Variants in RRP15 observed in about 807,000 individuals in gnomAD.
RRP15 encodes RRP15-like protein.
Under a neutral mutation model 27.1 loss-of-function variants are expected in RRP15, and 18 were observed. The observed-to-expected ratio is 0.66, with a 90% CI of 0.46 to 0.98. RRP15 has a LOEUF of 0.98. Ranked by LOEUF, RRP15 falls within the 50% of genes least tolerant of loss-of-function variation. The probability of loss-of-function intolerance (pLI) is 0.00; values close to 1 mark genes in which losing one functional copy is unlikely to be tolerated. For missense variants in RRP15, 359 were observed against 337.8 expected (o/e 1.06, Z -0.49); for synonymous variants, 107 against 109.4 (o/e 0.98, Z 0.14).
chr1:218,293,081 T>C (rs1655670782), intron 1 of RRP15, among the ~76,000 whole-genome samples: 1 of 151,682 alleles, frequency 6.6e-6, no homozygotes, highest in Non-Finnish European at 1.5e-5. Flanking sequence ...TGGTGTGCAG[T>C]GTGGCATGAT....
rs1656388694 is a variant in RRP15 at position 218,332,628 on chromosome 1, T to G, written c.*1537T>G. On this transcript the variant is annotated 3_prime_UTR_variant, in exon 5 of 5. Transcript: ENST00000366932. ...ACAGTATTATATGACTAAAGCTGAA[T>G]CAGTCTGTGGCCTGGTATTTGTTAT... 1 of 152,176 alleles carries G rather than the reference T, an allele frequency of 6.6e-6. No individual in the cohort carries two copies. The highest frequency in any genetic ancestry group is 6.5e-5 in the Admixed American group (1 of 15,278). 9.4% of individuals were successfully genotyped at this position (152,176 alleles called of 1,614,324 possible).
At chr1:218,296,614 A>C (rs1398055544) in intron 1 of RRP15, among the ~76,000 whole-genome samples, 1 of 151,808 alleles carries the variant, frequency 6.6e-6, no homozygotes, top group Non-Finnish European at 1.5e-5. Context: ...ACTATACTCC[A>C]GCCTGGGCGC....
chr1:218,325,196 A>G (rs565896985), intron 4 of RRP15, among the ~76,000 whole-genome samples: 2 of 152,350 alleles, frequency 1.3e-5, no homozygotes, highest in Admixed American at 1.3e-4. Context: ...CGCTTTCAGC[A>G]TGCCGTCCCA....
At chr1:218,289,258 C>T (rs1655596720) in intron 1 of RRP15, among the ~76,000 whole-genome samples, 1 of 152,108 alleles carries the variant, frequency 6.6e-6, no homozygotes, top group Admixed American at 6.6e-5. Context: ...TTGAATTATT[C>T]TAGTAACCCT....
At chr1:218,320,664 G>T (rs907759958) in intron 4 of RRP15, among the ~76,000 whole-genome samples, 2 of 151,566 alleles carry the variant, frequency 1.3e-5, no homozygotes, top group Non-Finnish European at 2.9e-5. Context: ...TGCCATAAAC[G>T]TTTATTATAA....
intron 4 of RRP15, among the ~76,000 whole-genome samples, chr1:218,328,411 T>C (rs1036141585): frequency 1.1e-4 from 16 of 152,118 alleles, no homozygotes; most frequent in Admixed American, 3.9e-4. Flanking sequence ...GCCTGTAATC[T>C]CAGCACTTTG....
At chr1:218,302,630 T>A in intron 2 of RRP15, 71 bp downstream of exon 2, 1 of 1,540,462 alleles carries the variant, frequency 6.5e-7, no homozygotes, top group Non-Finnish European at 8.7e-7. Flanking sequence ...CCGAACTGTT[T>A]CTTGCAGTGT....
chr1:218,335,595 A>G lies in RRP15; in HGVS notation c.*4504A>G, dbSNP rs1168264961. ...GTGGCTTGTGATACAGAGGAACTAAATTTTTAATTTTACTTAATTACTTTA... is the reference window on the plus strand; with the variant it reads ...GTGGCTTGTGATACAGAGGAACTAAGTTTTTAATTTTACTTAATTACTTTA... On this transcript the variant is annotated 3_prime_UTR_variant, in exon 5 of 5. Coordinates refer to ENST00000366932, the MANE Select transcript of RRP15 (RefSeq NM_016052.4). 1 of 152,190 alleles carries G rather than the reference A, an allele frequency of 6.6e-6. No homozygotes were observed. Among genetic ancestry groups the G allele is most frequent in the Non-Finnish European group, 1.5e-5 (1 of 68,020 alleles). The allele number at this position is 152,190 out of a possible 1,614,324, so 9.4% of individuals were successfully genotyped here.
In RRP15 at chr1:218,285,547, C is replaced by T. The variant is rs1257463223; in HGVS notation, c.139+92C>T. 4.5e-6 allele frequency: 7 copies of T among 1,553,014 alleles called. No homozygotes were observed. The East Asian group carries it at 1.1e-4, about 25-fold the overall frequency. On this transcript the variant is annotated intron_variant, in intron 1 of 4. Transcript: ENST00000366932. ...GCTTGCGACTTCATTTGCTGCTAGC[C>T]ACCTGGGTTTTATCTTGGCACCACT... is the stretch of plus-strand genomic sequence containing the variant.
chr1:218,289,732 G>T (rs1015721691), intron 1 of RRP15, among the ~76,000 whole-genome samples: 1 of 152,122 alleles, frequency 6.6e-6, no homozygotes, highest in Non-Finnish European at 1.5e-5. Flanking sequence ...GCCCAGGCTG[G>T]AGTGCAATGG....
At chr1:218,315,055 T>A (rs1215835826) in intron 4 of RRP15, among the ~76,000 whole-genome samples, 1 of 151,420 alleles carries the variant, frequency 6.6e-6, no homozygotes, top group Non-Finnish European at 1.5e-5. Context: ...TAATTTTTAA[T>A]AGAAGTCCCT....
chr1:218,326,459 G>T (rs558469526), intron 4 of RRP15, among the ~76,000 whole-genome samples: 1 of 150,286 alleles, frequency 6.7e-6, no homozygotes, highest in Non-Finnish European at 1.5e-5. Context: ...TTTAAATTTT[G>T]TGTTTGCATT....
Position 218,309,936 on chromosome 1 carries a change from G to A in RRP15, c.705+2304G>A, listed in dbSNP as rs1156612553. 2.0e-5 allele frequency among the ~76,000 whole-genome samples: 3 copies of A among 151,982 alleles called. No homozygotes were observed. In the East Asian group the frequency reaches 5.8e-4, roughly 29 times the overall value. ...TGTGTGAAGGGAATTTCAGAGTAAC[G>A]GTGTACTATTTATTTAGAGCATAGA... is the stretch of plus-strand genomic sequence containing the variant. On this transcript the variant is annotated intron_variant, in intron 4 of 4. Transcript: ENST00000366932.
At position 218,335,078 on chromosome 1, in the gene RRP15, AATC is replaced by A. The variant is rs938261717; in HGVS notation, c.*3990_*3992del. On this transcript the variant is annotated 3_prime_UTR_variant, in exon 5 of 5. Coordinates refer to ENST00000366932, the MANE Select transcript of RRP15 (RefSeq NM_016052.4). ...AATAAAATGCTAAGTTAGAATGAAT[AATC>A]ATAATTATATAGATGGAAGATATAT... 2 of 152,356 alleles carry A rather than the reference AATC, an allele frequency of 1.3e-5. No homozygotes were observed. Among genetic ancestry groups the A allele is most frequent in the Admixed American group, 1.3e-4 (2 of 15,304 alleles). 9.4% of individuals were successfully genotyped at this position (152,356 alleles called of 1,614,324 possible). A position where few individuals can be genotyped will look rare whatever the true frequency, so the allele number is the denominator to read the frequency against.
rs760828904 is a variant in RRP15 at position 218,331,093 on chromosome 1, G to A, written c.*2G>A. The A allele has an allele frequency of 3.1e-5, 49 of 1,604,760 alleles. No homozygotes were observed. Among genetic ancestry groups the A allele is most frequent in the Non-Finnish European group, 3.9e-5 (46 of 1,175,412 alleles). ...TCTGCAAGTGACTCTGATACATAAAGCATCATAGGAAATACAATTGCAGTC... is the reference window on the plus strand; with the variant it reads ...TCTGCAAGTGACTCTGATACATAAAACATCATAGGAAATACAATTGCAGTC... On this transcript the variant is annotated 3_prime_UTR_variant, in exon 5 of 5. Coordinates refer to ENST00000366932, the MANE Select transcript of RRP15 (RefSeq NM_016052.4).
At chr1:218,310,175 G>A (rs1202674515) in intron 4 of RRP15, among the ~76,000 whole-genome samples, 1 of 152,156 alleles carries the variant, frequency 6.6e-6, no homozygotes, top group Non-Finnish European at 1.5e-5. Context: ...CATAGCTATT[G>A]TACTCTTTCC....
Position 218,331,037 on chromosome 1 carries a change from A to C in RRP15, c.795A>C (p.Glu265Asp). Reference protein sequence around the residue: ...MGASMKDWDKESDGPDDSRPE... With the variant: ...MGASMKDWDKDSDGPDDSRPE... ...CATCTATGAAAGACTGGGACAAGGA[A>C]AGTGATGGGCCAGATGACAGCAGAC... The change falls in exon 5 of 5, where the codon GAA becomes GAC. Residue 265 changes from glutamate to aspartate, a missense_variant. Physicochemically the swap from Glu to Asp is conservative, Grantham distance 45. Coordinates refer to ENST00000366932, the MANE Select transcript of RRP15 (RefSeq NM_016052.4). 1 of 1,613,862 alleles carries C rather than the reference A, an allele frequency of 6.2e-7. No homozygotes were observed. The highest frequency in any genetic ancestry group is 8.5e-7 in the Non-Finnish European group (1 of 1,179,800).
Position 218,308,627 on chromosome 1 carries a change from T to A in RRP15, c.705+995T>A, listed in dbSNP as rs1655940692. On this transcript the variant is annotated intron_variant, in intron 4 of 4. Coordinates refer to ENST00000366932, the MANE Select transcript of RRP15 (RefSeq NM_016052.4). ...TTAGGAATTTTATGCTAGCCTAGGG[T>A]TGGAGCATTTTTTAAAGTTTCTTAA... Among the ~76,000 whole-genome samples, 5 of 152,236 alleles carry A rather than the reference T, an allele frequency of 3.3e-5. No individual in the cohort carries two copies. In the South Asian group the frequency reaches 1.0e-3, roughly 32 times the overall value.
At position 218,302,457 on chromosome 1, in the gene RRP15, C is replaced by G. The variant is rs1320811709; in HGVS notation, c.303C>G (p.Asn101Lys). ...GWADAMAKVL[N>K]KKTPESKPTI... is the part of the protein sequence containing the mutation. ...CAGATGCTATGGCTAAAGTCCTCAA[C>G]AAGAAAACTCCTGAAAGTAAACCTA... The change falls in exon 2 of 5, where the codon AAC becomes AAG. Residue 101 changes from asparagine (N) to lysine (K), a missense_variant. Coordinates refer to ENST00000366932, the MANE Select transcript of RRP15 (RefSeq NM_016052.4). The G allele has an allele frequency of 1.2e-6, 2 of 1,613,974 alleles. No homozygotes were observed. The highest frequency in any genetic ancestry group is 1.7e-6 in the Non-Finnish European group (2 of 1,179,962).
Sources: allele counts gnomAD v4.1 joint callset (sites outside exome capture counted in the v4.1 genomes callset), GRCh38; gene constraint gnomAD v4.1.1; transcripts MANE v1.5; gene names NCBI Gene and HGNC (gene_info 2026-07-23, HGNC 2026-07-21).